PHEX: variants seen among roughly 807,000 people sequenced by gnomAD.
The protein encoded by PHEX is phosphate regulating endopeptidase X-linked.
In PHEX, 16 loss-of-function variants were observed where a neutral mutation model predicts 68.0. The ratio of observed to expected loss-of-function variants is 0.24; its 90% CI spans 0.16 to 0.36. The LOEUF is 0.36. Among genes scored for constraint, PHEX ranks in the 10% least tolerant of loss-of-function variants. PHEX has a pLI of 1.00. For missense variants in PHEX, 480 were observed against 575.5 expected (o/e 0.83, Z 1.70); for synonymous variants, 208 against 205.1 (o/e 1.01, Z -0.12).
At position 22,077,454 on chromosome X, in the gene PHEX, C is replaced by A. The variant is rs780626060; in HGVS notation, c.437-22C>A. ...ATCCAGTTTGCAATTCTAACTTTCT[C>A]TTCATATCTGCTCCCTTTCAGAAGC... is the stretch of plus-strand genomic sequence containing the variant. On this transcript the variant is annotated intron_variant, in intron 4 of 21. Transcript: ENST00000379374. 21 of 1,174,675 alleles carry A rather than the reference C, an allele frequency of 1.8e-5. No homozygotes were observed. The South Asian group carries it at 2.3e-4, about 13-fold the overall frequency.
Position 22,228,732 on chromosome X carries a change from TA to T in PHEX, c.2070+1130del, listed in dbSNP as rs1556153887. 6.4e-5 allele frequency among the ~76,000 whole-genome samples: 7 copies of T among 109,643 alleles called. No individual in the cohort carries two copies. In the South Asian group the frequency reaches 1.1e-3, roughly 18 times the overall value. ...AGATGTTTCATACTTTACTTTACTT[TA>T]AAAAAAAATTATACTTTAAGTTCTG... On this transcript the variant is annotated intron_variant, in intron 20 of 21. Transcript: ENST00000379374.
At chrX:22,055,643 C>G (rs1223699387) in intron 3 of PHEX, among the ~76,000 whole-genome samples, 1 of 111,161 alleles carries the variant, frequency 9.0e-6, no homozygotes, top group Non-Finnish European at 1.9e-5. Context: ...CTCACCGCAA[C>G]CTCTGCCTCC....
intron 13 of PHEX, among the ~76,000 whole-genome samples, chrX:22,169,203 A>G (rs1218120191): frequency 1.8e-5 from 2 of 112,185 alleles, no homozygotes; most frequent in East Asian, 5.6e-4. Flanking sequence ...ATGAGCATCA[A>G]AATTTTACAA....
intron 15 of PHEX, among the ~76,000 whole-genome samples, chrX:22,203,336 G>T (rs996898601): frequency 1.8e-5 from 2 of 110,342 alleles, no homozygotes; most frequent in African/African-American, 3.3e-5. Context: ...TCAGCTCTAG[G>T]CTGATAGATG....
intron 12 of PHEX, among the ~76,000 whole-genome samples, chrX:22,157,364 T>A (rs778354007): frequency 1.1e-4 from 12 of 111,442 alleles, no homozygotes; most frequent in Non-Finnish European, 3.8e-5. Context: ...TAAATGAGAG[T>A]TGCCTCTATT....
intron 1 of PHEX, among the ~76,000 whole-genome samples, chrX:22,035,100 T>C (rs1330735701): frequency 9.0e-6 from 1 of 110,567 alleles, no homozygotes; most frequent in Admixed American, 9.8e-5. Flanking sequence ...CTTTGTGGTA[T>C]ATTTCTCTGC....
intron 9 of PHEX, among the ~76,000 whole-genome samples, chrX:22,100,919 C>T (rs1273026166): frequency 9.0e-6 from 1 of 111,638 alleles, no homozygotes; most frequent in East Asian, 2.8e-4. Context: ...CACCTGTAAT[C>T]CCAGCACTTT....
intron 5 of PHEX, among the ~76,000 whole-genome samples, chrX:22,079,856 T>C (rs781011975): frequency 1.8e-5 from 2 of 111,149 alleles, no homozygotes; most frequent in African/African-American, 3.3e-5. Context: ...GAAGAAATAA[T>C]AGGAAGCTAT....
chrX:22,115,054 G>A (rs1270272421), intron 11 of PHEX, among the ~76,000 whole-genome samples: 2 of 111,651 alleles, frequency 1.8e-5, no homozygotes, highest in East Asian at 2.8e-4. Context: ...ACGGCCGGGC[G>A]CAGTGGCTCA....
chrX:22,135,043 A>G (rs1004635303), intron 12 of PHEX, among the ~76,000 whole-genome samples: 6 of 112,479 alleles, frequency 5.3e-5, no homozygotes, highest in African/African-American at 1.9e-4. Context: ...GGTACTGGAG[A>G]TGGATAAACA....
At chrX:22,049,021 T>A (rs772087657) in intron 3 of PHEX, among the ~76,000 whole-genome samples, 2 of 112,421 alleles carry the variant, frequency 1.8e-5, no homozygotes, top group Non-Finnish European at 1.9e-5. Context: ...ACTTAATTTT[T>A]AAAATTAGTT....
intron 5 of PHEX, among the ~76,000 whole-genome samples, chrX:22,082,321 C>T (rs1204638676): frequency 8.9e-6 from 1 of 112,013 alleles, no homozygotes; most frequent in Non-Finnish European, 1.9e-5. Context: ...TACATTCCCA[C>T]CAGCAGTGTA....
At chrX:22,113,943 C>CTTTTTTTTTTTTTTTTTT (rs746349559) in intron 10 of PHEX, among the ~76,000 whole-genome samples, 6 of 63,988 alleles carry the variant, frequency 9.4e-5, no homozygotes, top group Admixed American at 3.9e-4. Context: ...TCTTCTTCTT[C>CTTTTTTTTTTTTTTTTTT]TTTTTTTTTT....
At chrX:22,224,968 G>C in intron 18 of PHEX, among the ~76,000 whole-genome samples, 1 of 113,537 alleles carries the variant, frequency 8.8e-6, no homozygotes, top group African/African-American at 3.2e-5. Context: ...AGCGCTGTAT[G>C]ATTTATTATC....
chrX:22,209,759 T>C (rs1440933648), intron 15 of PHEX, among the ~76,000 whole-genome samples: 1 of 82,895 alleles, frequency 1.2e-5, no homozygotes, highest in African/African-American at 5.1e-5. Flanking sequence ...CTCTCCTCCC[T>C]CTCCTCCCTC....
intron 7 of PHEX, among the ~76,000 whole-genome samples, chrX:22,094,404 G>A (rs774890244): frequency 4.5e-5 from 5 of 111,862 alleles, no homozygotes; most frequent in Non-Finnish European, 1.9e-5. Flanking sequence ...CCCTCTGACC[G>A]TTTTTCCTGG....
At chrX:22,086,383 G>A (rs963432187) in intron 5 of PHEX, among the ~76,000 whole-genome samples, 1 of 111,790 alleles carries the variant, frequency 8.9e-6, no homozygotes, top group Non-Finnish European at 1.9e-5. Flanking sequence ...TGTGGGTTAA[G>A]GTATGGGCAG....
chrX:22,209,752 T>TG (rs1191481783), intron 15 of PHEX, among the ~76,000 whole-genome samples: 223 of 64,835 alleles, frequency 3.4e-3, no homozygotes, highest in African/African-American at 0.013. Flanking sequence ...CTGCTCCCTC[T>TG]CCTCCCTCTC....
intron 12 of PHEX, chrX:22,163,280 C>T (rs1933198605): frequency 8.9e-6 from 1 of 111,867 alleles, no homozygotes; most frequent in African/African-American, 3.3e-5. Flanking sequence ...TAGCTGACTC[C>T]AGTTGGAAAG....
Sources: gnomAD v4.1 joint callset for allele counts (sites outside exome capture counted in the v4.1 genomes callset) on GRCh38, gnomAD v4.1.1 for gene constraint, MANE v1.5 for transcripts, NCBI Gene and HGNC (gene_info 2026-07-23, HGNC 2026-07-21) for gene names.